The following CFAP300 variants were observed in gnomAD, a reference collection of about 807,000 sequenced individuals.
CFAP300 encodes the protein cilia and flagella associated protein 300, also known as cilia- and flagella-associated protein 300.
Under a neutral mutation model 33.0 loss-of-function variants are expected in CFAP300, and 32 were observed. That is an observed-to-expected ratio of 0.97 (90% CI 0.73 to 1.30). The LOEUF is 1.30. Among genes scored for constraint, CFAP300 ranks in the 50% most tolerant of loss-of-function variants. The probability of loss-of-function intolerance (pLI) is 0.00; values close to 1 mark genes in which losing one functional copy is unlikely to be tolerated. For synonymous variants in CFAP300, 102 were observed against 106.8 expected (o/e 0.95, Z 0.28); for missense variants, 356 against 318.1 (o/e 1.12, Z -0.90).
At chr11:102,056,587 G>A (rs895786333) in intron 2 of CFAP300, among the ~76,000 whole-genome samples, 1 of 151,948 alleles carries the variant, frequency 6.6e-6, no homozygotes, top group African/African-American at 2.4e-5. Flanking sequence ...TTGGCTATTT[G>A]TGGGGTTTTT....
chr11:102,051,903 A>G (rs1941977627), intron 2 of CFAP300, among the ~76,000 whole-genome samples: 1 of 152,154 alleles, frequency 6.6e-6, no homozygotes, highest in South Asian at 2.1e-4. Context: ...GCATTTTGAC[A>G]TCAGTATCTT....
At chr11:102,053,751 T>C (rs1000779013) in intron 2 of CFAP300, among the ~76,000 whole-genome samples, 1 of 152,194 alleles carries the variant, frequency 6.6e-6, no homozygotes, top group Non-Finnish European at 1.5e-5. Context: ...TTCAGTGTTT[T>C]GCCACTGCCC....
chr11:102,078,913 T>G, intron 5 of CFAP300, among the ~76,000 whole-genome samples: 1 of 152,158 alleles, frequency 6.6e-6, no homozygotes, highest in East Asian at 1.9e-4. Context: ...TTTCACCATG[T>G]TGGCCAGGCT....
chr11:102,082,982 G>A (rs1274664018), intron 6 of CFAP300, 89 bp from the exon 7 acceptor site: 5 of 715,094 alleles, frequency 7.0e-6, no homozygotes, highest in African/African-American at 1.9e-5. Context: ...GGGCGACGGA[G>A]CAAGACTCTG....
chr11:102,065,723 C>T (rs901952148), intron 3 of CFAP300, among the ~76,000 whole-genome samples: 5 of 151,456 alleles, frequency 3.3e-5, no homozygotes, highest in Non-Finnish European at 5.9e-5. Context: ...GCCGAGATCA[C>T]GCCATTGCAC....
At chr11:102,059,739 T>C (rs1003212050) in intron 3 of CFAP300, among the ~76,000 whole-genome samples, 2 of 151,928 alleles carry the variant, frequency 1.3e-5, no homozygotes, top group Admixed American at 6.6e-5. Flanking sequence ...ATTGGGATAT[T>C]TGGGCAAAAT....
intron 5 of CFAP300, among the ~76,000 whole-genome samples, chr11:102,077,448 A>T (rs17761725): frequency 0.012 from 1,777 of 152,358 alleles, 79 homozygotes; most frequent in Admixed American, 0.075. Flanking sequence ...TTGGGAGCAC[A>T]CTACAGCGTG....
At chr11:102,066,967 T>C (rs910591762) in intron 4 of CFAP300, among the ~76,000 whole-genome samples, 1 of 152,236 alleles carries the variant, frequency 6.6e-6, no homozygotes, top group African/African-American at 2.4e-5. Flanking sequence ...TCTATAGTGC[T>C]GAAGCAGGAA....
intron 4 of CFAP300, 59 bp downstream of exon 4, chr11:102,066,710 G>A (rs375485227): frequency 6.6e-7 from 1 of 1,504,886 alleles, no homozygotes; most frequent in Non-Finnish European, 8.9e-7. Flanking sequence ...TGCAAAAATG[G>A]CAAAAACTTT....
chr11:102,057,820 G>T (rs922478017), intron 2 of CFAP300: 1 of 152,290 alleles, frequency 6.6e-6, no homozygotes, highest in Non-Finnish European at 1.5e-5. Flanking sequence ...ACCTGGCACA[G>T]CAATGGCCTA....
intron 2 of CFAP300, among the ~76,000 whole-genome samples, chr11:102,049,575 A>G (rs1391906728): frequency 6.6e-6 from 1 of 152,152 alleles, no homozygotes; most frequent in Non-Finnish European, 1.5e-5. Context: ...GCTACTGATA[A>G]TGACATTAAT....
chr11:102,083,204 CT>C lies in CFAP300; in HGVS notation c.*8del. 1.4e-6 allele frequency: 2 copies of C among 1,473,304 alleles called. No individual in the cohort carries two copies. Among genetic ancestry groups the C allele is most frequent in the Admixed American group, 2.1e-5 (1 of 46,874 alleles). 91.3% of individuals were successfully genotyped at this position (1,473,304 alleles called of 1,614,324 possible). A position where few individuals can be genotyped will look rare whatever the true frequency, so the allele number is the denominator to read the frequency against. On this transcript the variant is annotated 3_prime_UTR_variant, in exon 7 of 7. Coordinates refer to ENST00000434758, the MANE Select transcript of CFAP300 (RefSeq NM_032930.3). ...GGTGTGGGAGACATGTCTTAATGTTCTTTCAGATTATGTACCTCTACTATTT... is the reference window on the plus strand; with the variant it reads ...GGTGTGGGAGACATGTCTTAATGTTCTTCAGATTATGTACCTCTACTATTT...
intron 2 of CFAP300, among the ~76,000 whole-genome samples, chr11:102,048,414 C>A (rs1941919866): frequency 6.6e-6 from 1 of 152,012 alleles, no homozygotes; most frequent in African/African-American, 2.4e-5. Context: ...GAGGCAGAGT[C>A]TCACTATGTT....
intron 6 of CFAP300, among the ~76,000 whole-genome samples, chr11:102,081,870 A>G (rs11225122): frequency 0.43 from 62,877 of 147,468 alleles, 13,750 homozygotes; most frequent in East Asian, 0.7. Context: ...CAGACTGGGC[A>G]ACAGAGCGAG....
chr11:102,070,554 T>C (rs1028913411), intron 4 of CFAP300, among the ~76,000 whole-genome samples: 1 of 152,192 alleles, frequency 6.6e-6, no homozygotes, highest in South Asian at 2.1e-4. Context: ...TTTGTCTCTA[T>C]TTTGTTTATT....
At chr11:102,051,298 C>T (rs924029196) in intron 2 of CFAP300, among the ~76,000 whole-genome samples, 2 of 152,178 alleles carry the variant, frequency 1.3e-5, no homozygotes, top group African/African-American at 4.8e-5. Flanking sequence ...GTGTTGACAT[C>T]TTCACCATGG....
chr11:102,080,682 G>A (rs1942460870), intron 5 of CFAP300, among the ~76,000 whole-genome samples: 1 of 152,092 alleles, frequency 6.6e-6, no homozygotes, highest in Non-Finnish European at 1.5e-5. Context: ...TTACAGCCAT[G>A]AGCCACCGCG....
intron 6 of CFAP300, among the ~76,000 whole-genome samples, chr11:102,082,421 A>C (rs1237612245): frequency 6.6e-6 from 1 of 152,040 alleles, no homozygotes; most frequent in East Asian, 1.9e-4. Context: ...AAGATAGAAA[A>C]TTGCTAAATA....
intron 4 of CFAP300, among the ~76,000 whole-genome samples, chr11:102,075,167 A>G (rs878879351): frequency 1.3e-4 from 20 of 152,248 alleles, no homozygotes; most frequent in Admixed American, 1.0e-3. Context: ...TATATGTTAT[A>G]TCTTACATTG....
Sources: allele counts gnomAD v4.1 joint callset (sites outside exome capture counted in the v4.1 genomes callset), GRCh38; gene constraint gnomAD v4.1.1; transcripts MANE v1.5; gene names NCBI Gene and HGNC (gene_info 2026-07-23, HGNC 2026-07-21).